MGAT4C: variants seen among roughly 807,000 people sequenced by gnomAD.
MGAT4C encodes the protein alpha-1,3-mannosyl-glycoprotein 4-beta-N-acetylglucosaminyltransferase C.
In MGAT4C, 19 loss-of-function variants were observed where a neutral mutation model predicts 40.1. That is an observed-to-expected ratio of 0.47 (90% CI 0.33 to 0.70). The LOEUF (loss-of-function observed/expected upper bound fraction) is 0.70. Ranked by LOEUF, MGAT4C falls within the 30% of genes least tolerant of loss-of-function variation. MGAT4C has a pLI of 0.02. For missense variants in MGAT4C, 491 were observed against 563.2 expected (o/e 0.87, Z 1.30); for synonymous variants, 181 against 187.1 (o/e 0.97, Z 0.27).
chr12:86,436,126 C>T (rs1327770449), intron 2 of MGAT4C, among the ~76,000 whole-genome samples: 1 of 151,852 alleles, frequency 6.6e-6, no homozygotes, highest in African/African-American at 2.4e-5. Context: ...GCGTTACCAG[C>T]AGTACCACTA....
chr12:86,078,724 G>A (rs1870258057), intron 1 of MGAT4C, among the ~76,000 whole-genome samples: 1 of 152,126 alleles, frequency 6.6e-6, no homozygotes. Context: ...CTCTATCCCT[G>A]CCACCATGGC....
chr12:86,078,519 G>A (rs1870208562), intron 1 of MGAT4C, among the ~76,000 whole-genome samples: 1 of 152,198 alleles, frequency 6.6e-6, no homozygotes, highest in South Asian at 2.1e-4. Flanking sequence ...AGGACACACT[G>A]CTGCCCTTTC....
intron 1 of MGAT4C, among the ~76,000 whole-genome samples, chr12:86,102,701 C>A (rs772231764): frequency 6.6e-6 from 1 of 152,038 alleles, no homozygotes; most frequent in Non-Finnish European, 1.5e-5. Context: ...TGAAAGATAT[C>A]ATTCTAATAT....
chr12:86,727,936 T>C (rs1195357971), intron 1 of MGAT4C, among the ~76,000 whole-genome samples: 1 of 152,094 alleles, frequency 6.6e-6, no homozygotes, highest in Non-Finnish European at 1.5e-5. Context: ...TCAATCCTCA[T>C]GCAATTTAAC....
intron 2 of MGAT4C, among the ~76,000 whole-genome samples, chr12:85,989,818 C>T (rs192356676): frequency 1.3e-5 from 2 of 152,056 alleles, no homozygotes; most frequent in Admixed American, 1.3e-4. Flanking sequence ...GAACTTTGGT[C>T]ATAATAATGT....
intron 2 of MGAT4C, among the ~76,000 whole-genome samples, chr12:86,710,316 G>A (rs2136630172): frequency 6.6e-6 from 1 of 152,238 alleles, no homozygotes; most frequent in African/African-American, 2.4e-5. Flanking sequence ...TTTCTAGTAA[G>A]CAATTTCTTT....
rs1373330255 is a variant in MGAT4C, at chr12:85,968,580, C to T, written c.*10709G>A. On this transcript the variant is annotated 3_prime_UTR_variant, in exon 5 of 5. Coordinates refer to ENST00000611864, the MANE Select transcript of MGAT4C (RefSeq NM_001351288.2). The stretch of plus-strand genomic sequence containing the variant: ...AGGAAACAACACAGAATAATCTACG[C>T]TTGTCATCATGTTTTCTAATCTATA... The T allele has an allele frequency of 6.6e-6, 1 of 151,880 alleles. No individual in the cohort carries two copies. Among genetic ancestry groups the T allele is most frequent in the Admixed American group, 6.6e-5 (1 of 15,204 alleles). The allele number at this position is 151,880 out of a possible 1,614,324, so 9.4% of individuals were successfully genotyped here. A position where few individuals can be genotyped will look rare whatever the true frequency, so the allele number is the denominator to read the frequency against.
intron 2 of MGAT4C, among the ~76,000 whole-genome samples, chr12:86,643,158 C>G (rs1963439422): frequency 6.6e-6 from 1 of 151,442 alleles, no homozygotes; most frequent in South Asian, 2.1e-4. Context: ...ATAGAGATGG[C>G]CAAACTCGCT....
Position 86,041,766 on chromosome 12 carries a change from G to A in MGAT4C, c.-7+7908C>T, listed in dbSNP as rs116346443. Among the ~76,000 whole-genome samples, 1,090 of 152,190 alleles carry A rather than the reference G, an allele frequency of 7.2e-3. 15 individuals are homozygous for A. Among genetic ancestry groups the A allele is most frequent in the African/African-American group, 0.024 (1,012 of 41,514 alleles). On this transcript the variant is annotated intron_variant, in intron 2 of 4. Coordinates refer to ENST00000611864, the MANE Select transcript of MGAT4C (RefSeq NM_001351288.2). ...ATGCAGTCAATTTCAGAGTATACCC[G>A]TGTGCACGTGAAAAGAATGTATATT...
intron 4 of MGAT4C, among the ~76,000 whole-genome samples, chr12:86,311,523 T>C (rs1223887941): frequency 6.6e-6 from 1 of 152,140 alleles, no homozygotes; most frequent in East Asian, 1.9e-4. Context: ...CTGGCTTATT[T>C]GTTGTCATCT....
chr12:86,412,568 T>G (rs190099647), intron 3 of MGAT4C, among the ~76,000 whole-genome samples: 14 of 152,352 alleles, frequency 9.2e-5, no homozygotes, highest in African/African-American at 3.4e-4. Flanking sequence ...AACCAATGCC[T>G]GTACCCACAT....
chr12:86,391,175 G>C (rs1956154437), intron 3 of MGAT4C, among the ~76,000 whole-genome samples: 2 of 152,108 alleles, frequency 1.3e-5, no homozygotes, highest in Admixed American at 6.6e-5. Flanking sequence ...TTGGATGATA[G>C]GAAAGGCAGT....
chr12:86,495,010 C>T (rs764562157), intron 2 of MGAT4C, among the ~76,000 whole-genome samples: 2 of 152,016 alleles, frequency 1.3e-5, no homozygotes, highest in Non-Finnish European at 2.9e-5. Flanking sequence ...AGTGATTCTA[C>T]TTCTAAGAAT....
chr12:86,658,418 G>T lies in MGAT4C; in HGVS notation c.-229+68791C>A, dbSNP rs547821866. On this transcript the variant is annotated intron_variant, in intron 2 of 7. Coordinates refer to the MGAT4C transcript ENST00000548651. ...CATTTAAGGACATTCTTATCCTCTT[G>T]TCTATTTGAATCATTATTTACTAGA... 2.0e-5 allele frequency among the ~76,000 whole-genome samples: 3 copies of T among 152,106 alleles called. No homozygotes were observed. The South Asian group carries it at 6.2e-4, about 32-fold the overall frequency.
At chr12:86,101,754 C>G (rs996174087) in intron 1 of MGAT4C, among the ~76,000 whole-genome samples, 1 of 151,794 alleles carries the variant, frequency 6.6e-6, no homozygotes, top group Non-Finnish European at 1.5e-5. Flanking sequence ...AGTCTAAATA[C>G]TCAGAAAATT....
chr12:86,022,160 G>A (rs558608150), intron 2 of MGAT4C, among the ~76,000 whole-genome samples: 1 of 152,178 alleles, frequency 6.6e-6, no homozygotes. Flanking sequence ...TATGCACAAT[G>A]ACTGCAATTT....
chr12:86,494,622 TA>T (rs1057250649), intron 2 of MGAT4C, among the ~76,000 whole-genome samples: 8 of 147,242 alleles, frequency 5.4e-5, no homozygotes, highest in Non-Finnish European at 4.5e-5. Flanking sequence ...AGCAATCATT[TA>T]AAAAAAAAAC....
intron 2 of MGAT4C, among the ~76,000 whole-genome samples, chr12:86,640,986 G>C (rs753304459): frequency 4.6e-5 from 7 of 151,920 alleles, no homozygotes; most frequent in Non-Finnish European, 8.8e-5. Context: ...TATAATTTCT[G>C]TTCTTGTACA....
At chr12:86,486,161 C>T (rs889997609) in intron 2 of MGAT4C, among the ~76,000 whole-genome samples, 4 of 151,996 alleles carry the variant, frequency 2.6e-5, no homozygotes, top group Non-Finnish European at 4.4e-5. Flanking sequence ...ATCAAGTCTA[C>T]AAAACAACTG....
Sources: allele counts gnomAD v4.1 joint callset (sites outside exome capture counted in the v4.1 genomes callset), GRCh38; gene constraint gnomAD v4.1.1; transcripts MANE v1.5; gene names NCBI Gene and HGNC (gene_info 2026-07-23, HGNC 2026-07-21).